ADGRB1: variants seen among roughly 807,000 people sequenced by gnomAD.
The protein encoded by ADGRB1 is brain-specific angiogenesis inhibitor 1.
ADGRB1 carries 36 observed loss-of-function variants against 175.7 expected under a neutral mutation model. That is an observed-to-expected ratio of 0.20 (90% CI 0.16 to 0.27). The LOEUF (loss-of-function observed/expected upper bound fraction) is 0.27, where lower values mean the gene tolerates loss of function less well. Ranked by LOEUF, ADGRB1 falls within the 10% of genes least tolerant of loss-of-function variation. ADGRB1 has a pLI of 1.00. For synonymous variants in ADGRB1, 1,054 were observed against 979.4 expected (o/e 1.08, Z -1.42); for missense variants, 1,731 against 2,255.3 (o/e 0.77, Z 4.71).
rs778025943 is a variant in ADGRB1, at chr8:142,478,272, G to C, written c.1473G>C (p.Thr491=). 6.2e-7 allele frequency: 1 copy of C among 1,610,418 alleles called. No individual in the cohort carries two copies. The highest frequency in any genetic ancestry group is 8.5e-7 in the Non-Finnish European group (1 of 1,178,958). ...GCTCCCAGGGCCGACAGCAGCGCAC[G>C]CGTGAATGCAACGGGCCTTCCTACG... ...ASCSQGRQQR[T]RECNGPSYGG... The change falls in exon 7 of 31, where the codon ACG becomes ACC. Residue 491 remains threonine (T), a synonymous_variant. Transcript: ENST00000517894.
Position 142,475,573 on chromosome 8 carries a change from A to G in ADGRB1, c.884A>G (p.Glu295Gly). 2 of 1,266,514 alleles carry G rather than the reference A, an allele frequency of 1.6e-6. No individual in the cohort carries two copies. Among genetic ancestry groups the G allele is most frequent in the Non-Finnish European group, 2.0e-6 (2 of 1,006,604 alleles). 78.5% of individuals were successfully genotyped at this position (1,266,514 alleles called of 1,614,324 possible). ...TRTCLPAPGV[E>G]GGGCEGVLEE... Reference sequence around the variant, plus strand: ...ACCTGCCTGCCCGCGCCGGGCGTGGAGGGCGGCGGCTGCGAGGGGGTGCTG... The same window carrying G: ...ACCTGCCTGCCCGCGCCGGGCGTGGGGGGCGGCGGCTGCGAGGGGGTGCTG... Residue 295 changes from glutamate to glycine, a missense_variant, in exon 3 of 31, where the codon GAG becomes GGG. By Grantham distance (98) the Glu-to-Gly change is moderately conservative. This residue lies in a region of ADGRB1 where 178 missense variants were observed against 227.8 expected (regional missense o/e 0.78). Transcript: ENST00000517894.
At chr8:142,516,518 GCGGGTCC>G (rs1843450339) in intron 18 of ADGRB1, among the ~76,000 whole-genome samples, 2 of 149,916 alleles carry the variant, frequency 1.3e-5, no homozygotes, top group African/African-American at 4.9e-5. Flanking sequence ...GCGTGCGTGT[GCGGGTCC>G]CAGGTGCGTG....
At position 142,489,387 on chromosome 8, in the gene ADGRB1, G is replaced by A. The variant is rs377353688; in HGVS notation, c.2580G>A (p.Pro860=). 44 of 1,612,856 alleles carry A rather than the reference G, an allele frequency of 2.7e-5. No individual in the cohort carries two copies. The highest frequency in any genetic ancestry group is 4.0e-5 in the African/African-American group (3 of 74,914). Residue 860 remains proline (P), a synonymous_variant, in exon 16 of 31, where the codon CCG becomes CCA. Transcript: ENST00000517894. ...TGATCTCCGTGACTGTGAAACCCCC[G>A]CCTCGCTCCCTGCGCACACCCTTGG... ...SKVISVTVKP[P]PRSLRTPLEI... is the part of the protein sequence containing the mutation.
At chr8:142,502,212 GTGGTGA>G (rs1842613872) in intron 17 of ADGRB1, among the ~76,000 whole-genome samples, 1 of 135,948 alleles carries the variant, frequency 7.4e-6, no homozygotes, top group Non-Finnish European at 1.6e-5. Context: ...GGTGGTGGTG[GTGGTGA>G]TGGTGATAGT....
chr8:142,528,235 C>T (rs531584959), intron 24 of ADGRB1, among the ~76,000 whole-genome samples: 9 of 152,358 alleles, frequency 5.9e-5, no homozygotes, highest in Admixed American at 2.0e-4. Context: ...GACTGGAAGG[C>T]GCAGCGGCCT....
At chr8:142,515,226 G>A (rs1412314386) in intron 18 of ADGRB1, among the ~76,000 whole-genome samples, 2 of 152,224 alleles carry the variant, frequency 1.3e-5, no homozygotes, top group Non-Finnish European at 2.9e-5. Context: ...ATGTGCAAGG[G>A]CCTGGGCCGC....
At chr8:142,477,081 G>A (rs374121565) in intron 4 of ADGRB1, 33 bp from the exon 5 acceptor site, 92 of 1,503,658 alleles carry the variant, frequency 6.1e-5, no homozygotes, top group Admixed American at 1.8e-4. Flanking sequence ...CCCCATGGGC[G>A]GCAGGCCTGT....
chr8:142,458,871 G>C (rs1035060294), intron 1 of ADGRB1, among the ~76,000 whole-genome samples: 1 of 152,252 alleles, frequency 6.6e-6, no homozygotes, highest in Non-Finnish European at 1.5e-5. Context: ...GGGAGCTGCT[G>C]TTATCCAGGT....
At chr8:142,478,122 C>T (rs750076974) in intron 6 of ADGRB1, 65 bp from the exon 7 acceptor site, 14 of 1,550,046 alleles carry the variant, frequency 9.0e-6, no homozygotes, top group Non-Finnish European at 1.2e-5. Context: ...CTCACACCCA[C>T]ATTCCAAGCC....
At chr8:142,495,127 A>G (rs1304038997) in intron 17 of ADGRB1, among the ~76,000 whole-genome samples, 4 of 152,164 alleles carry the variant, frequency 2.6e-5, no homozygotes, top group African/African-American at 9.7e-5. Flanking sequence ...GGATGTGCGA[A>G]GGGGTTCTTG....
rs1845377111 is a variant in ADGRB1, at chr8:142,543,054, C to T, written c.4414-349C>T. Among the ~76,000 whole-genome samples, 1 of 152,326 alleles carries T rather than the reference C, an allele frequency of 6.6e-6. No individual in the cohort carries two copies. The highest frequency in any genetic ancestry group is 1.5e-5 in the Non-Finnish European group (1 of 68,010). On this transcript the variant is annotated intron_variant, in intron 28 of 30. Transcript: ENST00000517894. This position sits in a 1 kb window ranked among gnomAD's most constrained non-coding sequence, Gnocchi z 4.4. ...AGCCCGTCCCCACAGGATATGCTCC[C>T]ACCATATCCTGGCTCCTGGCCTCTG... is the stretch of plus-strand genomic sequence containing the variant.
chr8:142,476,428 T>C (rs1270097640), intron 3 of ADGRB1, among the ~76,000 whole-genome samples, 157 bp from the exon 4 acceptor site: 1 of 152,086 alleles, frequency 6.6e-6, no homozygotes, highest in Non-Finnish European at 1.5e-5. Flanking sequence ...GGTGACCAGA[T>C]GAGGGCTGGT....
At chr8:142,527,704 C>T (rs1844294466) in intron 24 of ADGRB1, among the ~76,000 whole-genome samples, 1 of 152,136 alleles carries the variant, frequency 6.6e-6, no homozygotes, top group African/African-American at 2.4e-5. Context: ...AGAAGAGGTC[C>T]CCAGGGCTAC....
intron 1 of ADGRB1, among the ~76,000 whole-genome samples, chr8:142,456,827 C>T (rs996630538): frequency 1.3e-5 from 2 of 152,224 alleles, no homozygotes; most frequent in African/African-American, 4.8e-5. Context: ...CAGGGGTCCT[C>T]GAGCCAGGAG....
Position 142,489,408 on chromosome 8 carries a change from C to T in ADGRB1, c.2601C>T (p.Pro867=). The change falls in exon 16 of 31, where the codon CCC becomes CCT. Residue 867 remains proline, a synonymous_variant. Coordinates refer to ENST00000517894, the MANE Select transcript of ADGRB1 (RefSeq NM_001702.3). ...VKPPPRSLRT[P]LEIEFAHMYN... ...CCCCGCCTCGCTCCCTGCGCACACC[C>T]TTGGAGATCGAGTTTGCCCACATGT... 2 of 1,612,976 alleles carry T rather than the reference C, an allele frequency of 1.2e-6. No individual in the cohort carries two copies. The highest frequency in any genetic ancestry group is 1.3e-5 in the African/African-American group (1 of 75,060).
intron 1 of ADGRB1, among the ~76,000 whole-genome samples, chr8:142,454,531 G>T (rs182046772): frequency 1.3e-5 from 2 of 152,176 alleles, no homozygotes; most frequent in Non-Finnish European, 2.9e-5. Context: ...CAGACCGCAC[G>T]ATCCAGAAGA....
intron 24 of ADGRB1, among the ~76,000 whole-genome samples, chr8:142,531,225 G>C (rs1200568429): frequency 6.6e-6 from 1 of 152,232 alleles, no homozygotes; most frequent in African/African-American, 2.4e-5. Context: ...CCAGCTTATC[G>C]CCATGGGAAA....
rs1350149851 is a variant in ADGRB1 at position 142,493,397 on chromosome 8, G to A, written c.2675+2582G>A. 1.3e-5 allele frequency among the ~76,000 whole-genome samples: 2 copies of A among 152,112 alleles called. No homozygotes were observed. The highest frequency in any genetic ancestry group is 2.9e-5 in the Non-Finnish European group (2 of 68,002). On this transcript the variant is annotated intron_variant, in intron 17 of 30. Transcript: ENST00000517894. The surrounding 1 kb of genome is among the most constrained non-coding windows in gnomAD (Gnocchi z 5.0). ...GGCGGTCAAGTCCCCAGGGTGTTTG[G>A]CGTCCGCGTGGCCTCTGTCGACCCT...
intron 2 of ADGRB1, among the ~76,000 whole-genome samples, chr8:142,467,864 T>C (rs1005779928): frequency 1.3e-5 from 2 of 152,228 alleles, no homozygotes; most frequent in African/African-American, 4.8e-5. Flanking sequence ...GTGAAGTGTT[T>C]CTAAGCAGAA....
Sources: allele counts gnomAD v4.1 joint callset (sites outside exome capture counted in the v4.1 genomes callset), GRCh38; gene constraint gnomAD v4.1.1; regional missense constraint gnomAD v4.1.1; non-coding constraint Gnocchi (gnomAD v3.1); transcripts MANE v1.5; gene names NCBI Gene and HGNC (gene_info 2026-07-23, HGNC 2026-07-21).